Variants in FAT3 observed in about 807,000 individuals in gnomAD.
The protein encoded by FAT3 is protocadherin Fat 3.
In FAT3, 95 loss-of-function variants were observed where a neutral mutation model predicts 310.2. The ratio of observed to expected loss-of-function variants is 0.31; its 90% CI spans 0.26 to 0.36. The LOEUF is 0.36. Ranked by LOEUF, FAT3 falls within the 10% of genes least tolerant of loss-of-function variation. The probability of loss-of-function intolerance (pLI) is 1.00; values close to 1 mark genes in which losing one functional copy is unlikely to be tolerated. For synonymous variants in FAT3, 2,314 were observed against 2,192.9 expected, an observed-to-expected ratio of 1.06 and a Z score of -1.54; for missense variants, 5,408 against 5,715.6, an observed-to-expected ratio of 0.95 and a Z score of 1.74.
intron 4 of FAT3, among the ~76,000 whole-genome samples, chr11:92,698,590 G>GATT (rs990418730): frequency 6.6e-6 from 1 of 151,416 alleles, no homozygotes; most frequent in Non-Finnish European, 1.5e-5. Context: ...TATAATAAAG[G>GATT]ATTATTATTA....
At chr11:92,682,681 T>G (rs1229065633) in intron 3 of FAT3, among the ~76,000 whole-genome samples, 1 of 152,158 alleles carries the variant, frequency 6.6e-6, no homozygotes, top group Non-Finnish European at 1.5e-5. Context: ...TACTGAAACT[T>G]TTCATGCTAA....
Position 92,603,485 on chromosome 11 carries a change from G to A in FAT3, c.3607+78537G>A, listed in dbSNP as rs377078322. Reference sequence around the variant, plus strand: ...GAAACAAAATTATGCCTTGATTTCAGCAAGGTACTGGAATTTCACAAGTTC... The same window carrying A: ...GAAACAAAATTATGCCTTGATTTCAACAAGGTACTGGAATTTCACAAGTTC... On this transcript the variant is annotated intron_variant, in intron 3 of 27. Coordinates refer to ENST00000525166, the MANE Select transcript of FAT3 (RefSeq NM_001367949.2). 1.9e-3 allele frequency among the ~76,000 whole-genome samples: 295 copies of A among 152,254 alleles called. 11 individuals carry two copies. In the South Asian group the frequency reaches 0.059, roughly 31 times the overall value.
intron 18 of FAT3, 91 bp downstream of exon 18, chr11:92,840,850 A>G (rs1948527949): frequency 1.6e-6 from 2 of 1,249,554 alleles, no homozygotes; most frequent in Non-Finnish European, 2.2e-6. Flanking sequence ...TTGCTGAGTA[A>G]GTCAACATAA....
At chr11:92,676,792 A>G (rs1943301784) in intron 3 of FAT3, among the ~76,000 whole-genome samples, 1 of 152,200 alleles carries the variant, frequency 6.6e-6, no homozygotes, top group African/African-American at 2.4e-5. Flanking sequence ...GTTTCATTTT[A>G]GCTGAAAATA....
intron 2 of FAT3, among the ~76,000 whole-genome samples, chr11:92,455,332 A>C (rs652365): frequency 0.65 from 99,586 of 152,058 alleles, 37,180 homozygotes; most frequent in Non-Finnish European, 0.81. Context: ...TGTTCCCAGA[A>C]ATTGTGGCTC....
At chr11:92,260,318 A>G (rs1420874733) in intron 1 of FAT3, among the ~76,000 whole-genome samples, 1 of 152,052 alleles carries the variant, frequency 6.6e-6, no homozygotes, top group East Asian at 1.9e-4. Flanking sequence ...TTTCTCTTTC[A>G]GGAGTTATAT....
chr11:92,702,402 A>G (rs1271440437), intron 4 of FAT3, among the ~76,000 whole-genome samples: 1 of 152,230 alleles, frequency 6.6e-6, no homozygotes, highest in Admixed American at 6.5e-5. Context: ...GGAAGAAGGC[A>G]TGCTCGGCTT....
chr11:92,866,979 A>C lies in FAT3; in HGVS notation c.11897A>C (p.Asn3966Thr), dbSNP rs2136350027. Residue 3966 changes from asparagine (N) to threonine (T), a missense_variant, in exon 22 of 28, where the codon AAC (asparagine) becomes ACC (threonine). Physicochemically the swap from Asn to Thr is moderately conservative, Grantham distance 65 (BLOSUM62 0). This residue lies in a region of FAT3 where 4,588 missense variants were observed against 4,809.8 expected (regional missense o/e 0.95). Coordinates refer to ENST00000525166, the MANE Select transcript of FAT3 (RefSeq NM_001367949.2). ...TTCGGCGCCCTGGTGCAAGCGGATA[A>C]CATCCGCAGCCTGACTGACACGCGG... is the stretch of plus-strand genomic sequence containing the variant. ...IYFGALVQAD[N>T]IRSLTDTRVT... 1 of 1,612,160 alleles carries C rather than the reference A, an allele frequency of 6.2e-7. No homozygotes were observed. Among genetic ancestry groups the C allele is most frequent in the Non-Finnish European group, 8.5e-7 (1 of 1,179,246 alleles).
intron 3 of FAT3, among the ~76,000 whole-genome samples, chr11:92,679,736 G>C (rs1943414583): frequency 6.6e-6 from 1 of 151,020 alleles, no homozygotes; most frequent in South Asian, 2.1e-4. Context: ...CAGCTACTTG[G>C]GAGGCTGAGG....
At chr11:92,228,121 A>G (rs1163464284) in intron 1 of FAT3, among the ~76,000 whole-genome samples, 2 of 152,122 alleles carry the variant, frequency 1.3e-5, no homozygotes, top group Non-Finnish European at 2.9e-5. Flanking sequence ...TATCATCTGA[A>G]TCACACAGAG....
At chr11:92,263,453 A>G (rs1021170892) in intron 1 of FAT3, among the ~76,000 whole-genome samples, 1 of 152,098 alleles carries the variant, frequency 6.6e-6, no homozygotes, top group Non-Finnish European at 1.5e-5. Context: ...CAATATCTGT[A>G]TCATTGCTTT....
intron 2 of FAT3, among the ~76,000 whole-genome samples, chr11:92,517,351 AT>A (rs899552421): frequency 6.6e-6 from 1 of 152,206 alleles, no homozygotes; most frequent in African/African-American, 2.4e-5. Context: ...CTGATCTTTG[AT>A]AAACCAGACA....
At chr11:92,417,458 A>G (rs1474322832) in intron 2 of FAT3, among the ~76,000 whole-genome samples, 2 of 152,244 alleles carry the variant, frequency 1.3e-5, no homozygotes, top group Non-Finnish European at 2.9e-5. Context: ...GTATAAACCA[A>G]TAAATACAAA....
intron 1 of FAT3, among the ~76,000 whole-genome samples, chr11:92,228,855 TC>T (rs1379972531): frequency 2.0e-5 from 3 of 152,204 alleles, no homozygotes; most frequent in Admixed American, 2.0e-4. Context: ...GATTTTTTTT[TC>T]CATTGTGGGG....
At chr11:92,245,903 G>C (rs937427436) in intron 1 of FAT3, among the ~76,000 whole-genome samples, 5 of 152,088 alleles carry the variant, frequency 3.3e-5, no homozygotes, top group African/African-American at 1.2e-4. Flanking sequence ...AACCATCTGC[G>C]CAATGGGGGA....
At chr11:92,451,973 A>G (rs1951365412) in intron 2 of FAT3, among the ~76,000 whole-genome samples, 3 of 152,182 alleles carry the variant, frequency 2.0e-5, no homozygotes, top group Admixed American at 2.0e-4. Context: ...GACTTCTTCA[A>G]ATAACTCTGA....
At chr11:92,856,197 T>C (rs886193870) in intron 19 of FAT3, among the ~76,000 whole-genome samples, 1 of 152,100 alleles carries the variant, frequency 6.6e-6, no homozygotes, top group Admixed American at 6.6e-5. Context: ...AGGAGCATGA[T>C]CATGGGCCAG....
At chr11:92,263,928 G>T (rs1055011416) in intron 1 of FAT3, among the ~76,000 whole-genome samples, 1 of 152,020 alleles carries the variant, frequency 6.6e-6, no homozygotes, top group African/African-American at 2.4e-5. Context: ...TGGGTTCCAG[G>T]CATTACGCTA....
chr11:92,558,975 C>T (rs765194642), intron 3 of FAT3, among the ~76,000 whole-genome samples: 3 of 152,170 alleles, frequency 2.0e-5, no homozygotes, highest in Non-Finnish European at 2.9e-5. Flanking sequence ...CTGTTACATG[C>T]TAGGTGTCCT....
Sources: gnomAD v4.1 joint callset for allele counts (sites outside exome capture counted in the v4.1 genomes callset) on GRCh38, gnomAD v4.1.1 for gene constraint, gnomAD v4.1.1 regional missense constraint, MANE v1.5 for transcripts, NCBI Gene and HGNC (gene_info 2026-07-23, HGNC 2026-07-21) for gene names.